The following NOL4 variants were observed in gnomAD, a reference collection of about 807,000 sequenced individuals.
NOL4 encodes nucleolar protein 4, also known as cancer/testis antigen 125.
In NOL4, 17 loss-of-function variants were observed where a neutral mutation model predicts 75.9. That is an observed-to-expected ratio of 0.22 (90% CI 0.15 to 0.34). The LOEUF is 0.34. Ranked by LOEUF, NOL4 falls within the 10% of genes least tolerant of loss-of-function variation. NOL4 has a pLI of 1.00. For synonymous variants in NOL4, 292 were observed against 289.9 expected, an observed-to-expected ratio of 1.01 and a Z score of -0.07; for missense variants, 614 against 793.5, an observed-to-expected ratio of 0.77 and a Z score of 2.72.
chr18:34,065,048 T>C (rs1448024602), intron 5 of NOL4, among the ~76,000 whole-genome samples: 1 of 151,850 alleles, frequency 6.6e-6, no homozygotes, highest in Non-Finnish European at 1.5e-5. Context: ...TTTGGATTTA[T>C]TAAAGCAATT....
chr18:34,164,098 G>T (rs1600767759), intron 1 of NOL4, among the ~76,000 whole-genome samples: 1 of 152,282 alleles, frequency 6.6e-6, no homozygotes, highest in African/African-American at 2.4e-5. Context: ...ATCCAAGATG[G>T]ATTAAAGACT....
chr18:34,081,416 C>T (rs1203581147), intron 5 of NOL4, among the ~76,000 whole-genome samples: 1 of 152,020 alleles, frequency 6.6e-6, no homozygotes, highest in African/African-American at 2.4e-5. Context: ...ATTGAAATGA[C>T]TATCACTATT....
intron 5 of NOL4, among the ~76,000 whole-genome samples, chr18:34,035,154 C>A (rs911315131): frequency 6.6e-6 from 1 of 152,146 alleles, no homozygotes; most frequent in East Asian, 1.9e-4. Flanking sequence ...TTAACAACTG[C>A]AGAATACACT....
chr18:34,162,364 G>A (rs535085996), intron 1 of NOL4, among the ~76,000 whole-genome samples: 4 of 152,200 alleles, frequency 2.6e-5, no homozygotes, highest in African/African-American at 9.6e-5. Context: ...GAAGAAAAGA[G>A]AGAAGAATCA....
chr18:34,086,406 A>G (rs2145458273), intron 5 of NOL4, among the ~76,000 whole-genome samples: 1 of 152,264 alleles, frequency 6.6e-6, no homozygotes, highest in South Asian at 2.1e-4. Context: ...AAGACAACAT[A>G]ATCTCTCCAG....
At chr18:33,951,409 T>C (rs75881258) in intron 8 of NOL4, among the ~76,000 whole-genome samples, 4,603 of 152,234 alleles carry the variant, frequency 0.03, 102 homozygotes, top group Non-Finnish European at 0.045. Flanking sequence ...TAAGAATTTA[T>C]TTGCTCTTCT....
At chr18:33,958,946 T>C (rs547972078) in intron 6 of NOL4, among the ~76,000 whole-genome samples, 1 of 152,264 alleles carries the variant, frequency 6.6e-6, no homozygotes, top group African/African-American at 2.4e-5. Flanking sequence ...GCAAGAGCTA[T>C]ACAAAATATT....
chr18:33,977,400 G>A (rs1248150936), intron 6 of NOL4, among the ~76,000 whole-genome samples: 1 of 152,094 alleles, frequency 6.6e-6, no homozygotes, highest in Non-Finnish European at 1.5e-5. Flanking sequence ...TAGTGAATAA[G>A]TCTCATGAGA....
intron 1 of NOL4, among the ~76,000 whole-genome samples, chr18:34,154,415 A>G (rs535392909): frequency 2.0e-5 from 3 of 152,076 alleles, no homozygotes; most frequent in Admixed American, 1.3e-4. Flanking sequence ...TTATCTCCCC[A>G]GAGATAGCTA....
At chr18:34,042,243 C>G (rs2076172256) in intron 5 of NOL4, among the ~76,000 whole-genome samples, 1 of 152,116 alleles carries the variant, frequency 6.6e-6, no homozygotes, top group African/African-American at 2.4e-5. Context: ...GCTACATACA[C>G]AAAGAGGCAA....
In NOL4 at chr18:34,144,398, T is replaced by C. The variant is rs149090492; in HGVS notation, c.265-14378A>G. Reference sequence around the variant, plus strand: ...ATAGACTAGTTCCTGTGGTCAACTATTGACATAAAAAGCTTCAAAGAACAA... The same window carrying C: ...ATAGACTAGTTCCTGTGGTCAACTACTGACATAAAAAGCTTCAAAGAACAA... On this transcript the variant is annotated intron_variant, in intron 1 of 10. Coordinates refer to ENST00000261592, the MANE Select transcript of NOL4 (RefSeq NM_003787.5). Among the ~76,000 whole-genome samples the C allele has an allele frequency of 5.6e-3, 849 of 152,194 alleles. 11 individuals are homozygous for C. Among genetic ancestry groups the C allele is most frequent in the African/African-American group, 0.02 (815 of 41,548 alleles).
At chr18:33,998,752 G>C (rs1172829342) in intron 6 of NOL4, among the ~76,000 whole-genome samples, 2 of 152,106 alleles carry the variant, frequency 1.3e-5, no homozygotes, top group Non-Finnish European at 2.9e-5. Context: ...TTGCTTGCTT[G>C]TCAATTAAAT....
intron 9 of NOL4, among the ~76,000 whole-genome samples, chr18:33,916,450 T>C (rs955273322): frequency 3.9e-5 from 6 of 152,116 alleles, no homozygotes; most frequent in South Asian, 2.1e-4. Flanking sequence ...GTCAAAGTCA[T>C]CTGGGAACTC....
chr18:34,097,215 T>C (rs1002109347), intron 4 of NOL4, among the ~76,000 whole-genome samples: 10 of 152,310 alleles, frequency 6.6e-5, no homozygotes, highest in Middle Eastern at 3.4e-3. Context: ...CAATCAAATA[T>C]TTACGGTTTC....
chr18:33,944,890 TA>T, intron 8 of NOL4, among the ~76,000 whole-genome samples: 2 of 151,986 alleles, frequency 1.3e-5, no homozygotes, highest in Non-Finnish European at 2.9e-5. Context: ...AATTAAGCTA[TA>T]AAATCAGTCT....
intron 1 of NOL4, among the ~76,000 whole-genome samples, chr18:34,198,842 A>T (rs1036679040): frequency 6.6e-6 from 1 of 151,846 alleles, no homozygotes; most frequent in South Asian, 2.1e-4. Context: ...TTTATATATG[A>T]CAAAATTCAT....
intron 1 of NOL4, among the ~76,000 whole-genome samples, chr18:34,202,894 A>T (rs2035835382): frequency 1.3e-5 from 2 of 152,054 alleles, no homozygotes; most frequent in Non-Finnish European, 2.9e-5. Flanking sequence ...TAACAAACTA[A>T]ACATACAATT....
At chr18:34,197,328 C>T (rs967160343) in intron 1 of NOL4, among the ~76,000 whole-genome samples, 35 of 151,824 alleles carry the variant, frequency 2.3e-4, no homozygotes, top group Admixed American at 2.3e-3. Context: ...AAAATCTAAT[C>T]CAATTTCTTA....
chr18:34,078,511 T>C lies in NOL4; in HGVS notation c.772+14954A>G, dbSNP rs577768141. ...GCCATCACTTCAACAGATCAATTAC[T>C]TCCCACAAGTAACAATACATTTCAT... On this transcript the variant is annotated intron_variant, in intron 5 of 10. Coordinates refer to ENST00000261592, the MANE Select transcript of NOL4 (RefSeq NM_003787.5). 5.9e-5 allele frequency among the ~76,000 whole-genome samples: 9 copies of C among 152,314 alleles called. No homozygotes were observed. In the East Asian group the frequency reaches 1.7e-3, roughly 29 times the overall value.
Sources: allele counts gnomAD v4.1 joint callset (sites outside exome capture counted in the v4.1 genomes callset), GRCh38; gene constraint gnomAD v4.1.1; transcripts MANE v1.5; gene names NCBI Gene and HGNC (gene_info 2026-07-23, HGNC 2026-07-21).